Variants in PRSS12 observed in about 807,000 individuals in gnomAD.
PRSS12 encodes neurotrypsin.
In PRSS12, 85 loss-of-function variants were observed where a neutral mutation model predicts 104.4. The observed-to-expected ratio is 0.81, with a 90% confidence interval of 0.68 to 0.98. The LOEUF (loss-of-function observed/expected upper bound fraction) is 0.98. Among genes scored for constraint, PRSS12 ranks in the 50% least tolerant of loss-of-function variants. The probability of loss-of-function intolerance (pLI) is 0.00; values close to 1 mark genes in which losing one functional copy is unlikely to be tolerated. For synonymous variants in PRSS12, 454 were observed against 425.2 expected, an observed-to-expected ratio of 1.07 and a Z score of -0.83; for missense variants, 1,141 against 1,139.2, an observed-to-expected ratio of 1.00 and a Z score of -0.02.
At chr4:118,320,367 G>A (rs1723582577) in intron 4 of PRSS12, among the ~76,000 whole-genome samples, 1 of 152,140 alleles carries the variant, frequency 6.6e-6, no homozygotes. Flanking sequence ...AAAGGAGCCT[G>A]ATTCACTATT....
At chr4:118,314,678 TA>T (rs2126034329) in intron 6 of PRSS12, among the ~76,000 whole-genome samples, 1 of 152,258 alleles carries the variant, frequency 6.6e-6, no homozygotes, top group South Asian at 2.1e-4. Flanking sequence ...ATGCTTTGAC[TA>T]CCTTCTAACA....
chr4:118,292,113 A>C (rs10020415), intron 11 of PRSS12, among the ~76,000 whole-genome samples: 55 of 152,254 alleles, frequency 3.6e-4, no homozygotes, highest in African/African-American at 1.3e-3. Context: ...ATATGAAAAA[A>C]AAAGATATTT....
Position 118,338,077 on chromosome 4 carries a change from G to A in PRSS12, c.641+99C>T. The A allele has an allele frequency of 2.7e-6, 4 of 1,480,912 alleles. No homozygotes were observed. The South Asian group carries it at 4.7e-5, about 17-fold the overall frequency. The allele number at this position is 1,480,912 out of a possible 1,614,324, so 91.7% of individuals were successfully genotyped here. On this transcript the variant is annotated intron_variant, in intron 2 of 12. Coordinates refer to ENST00000296498, the MANE Select transcript of PRSS12 (RefSeq NM_003619.4). ...AAAAGTGAGAATGAGGAAAGTGACA[G>A]TAAGAAACAAAGATACAAGCTTTAC...
At chr4:118,308,611 A>G in intron 7 of PRSS12, 34 bp from the exon 8 acceptor site, 1 of 1,610,290 alleles carries the variant, frequency 6.2e-7, no homozygotes, top group Non-Finnish European at 8.5e-7. Flanking sequence ...AGAACAGCCC[A>G]AACATGCAAA....
chr4:118,281,608 G>T lies in PRSS12; in HGVS notation c.*328C>A, dbSNP rs967663540. ...GACACCACTGATTCAATTAAAAGGG[G>T]TTCTCAGTTCAAATGTAAAAATGAT... On this transcript the variant is annotated 3_prime_UTR_variant, in exon 13 of 13. Coordinates refer to ENST00000296498, the MANE Select transcript of PRSS12 (RefSeq NM_003619.4). 27 of 364,138 alleles carry T rather than the reference G, an allele frequency of 7.4e-5. No individual in the cohort carries two copies. The Admixed American group carries it at 7.9e-4, about 11-fold the overall frequency. The allele number at this position is 364,138 out of a possible 1,614,324, so 22.6% of individuals were successfully genotyped here. A position where few individuals can be genotyped will look rare whatever the true frequency, so the allele number is the denominator to read the frequency against.
chr4:118,299,736 T>TA (rs1173938336), intron 8 of PRSS12, among the ~76,000 whole-genome samples: 1 of 64,960 alleles, frequency 1.5e-5, no homozygotes, highest in South Asian at 5.3e-4. Flanking sequence ...TAAAATAAAA[T>TA]AAAATAAAAT....
intron 4 of PRSS12, among the ~76,000 whole-genome samples, chr4:118,330,437 T>C (rs1218504712): frequency 1.3e-5 from 2 of 151,978 alleles, no homozygotes; most frequent in South Asian, 4.1e-4. Context: ...ATTCAGAAGA[T>C]GGGACAGTCT....
chr4:118,296,602 A>T (rs569926947), intron 9 of PRSS12, among the ~76,000 whole-genome samples: 39 of 152,238 alleles, frequency 2.6e-4, no homozygotes, highest in Middle Eastern at 3.2e-3. Context: ...ATATGTGTAT[A>T]AAGTATAGAT....
At chr4:118,347,582 T>C (rs1448598261) in intron 1 of PRSS12, among the ~76,000 whole-genome samples, 1 of 152,206 alleles carries the variant, frequency 6.6e-6, no homozygotes, top group East Asian at 1.9e-4. Flanking sequence ...CTCAGCACAG[T>C]GTCAAGCAAG....
intron 5 of PRSS12, among the ~76,000 whole-genome samples, chr4:118,317,868 T>C (rs1183339032): frequency 1.3e-5 from 2 of 152,214 alleles, no homozygotes; most frequent in Non-Finnish European, 2.9e-5. Flanking sequence ...CACCAGTTTG[T>C]ACTCACATAT....
At chr4:118,340,237 T>G (rs1724168151) in intron 1 of PRSS12, among the ~76,000 whole-genome samples, 1 of 152,178 alleles carries the variant, frequency 6.6e-6, no homozygotes, top group African/African-American at 2.4e-5. Context: ...TCTCTAACGC[T>G]CCAAGCACAC....
intron 11 of PRSS12, among the ~76,000 whole-genome samples, chr4:118,289,201 G>A (rs1440288543): frequency 6.6e-6 from 1 of 152,184 alleles, no homozygotes; most frequent in African/African-American, 2.4e-5. Flanking sequence ...GAGTGACTAT[G>A]CTATGAAGGC....
chr4:118,342,845 A>G (rs1724251538), intron 1 of PRSS12, among the ~76,000 whole-genome samples: 1 of 152,236 alleles, frequency 6.6e-6, no homozygotes, highest in South Asian at 2.1e-4. Flanking sequence ...AATAGTTTAC[A>G]ACTGTTTTCC....
chr4:118,351,190 A>C lies in PRSS12; in HGVS notation c.502+1029T>G, dbSNP rs576980414. Among the ~76,000 whole-genome samples the C allele has an allele frequency of 3.9e-5, 6 of 152,302 alleles. No homozygotes were observed. The East Asian group carries it at 1.2e-3, about 29-fold the overall frequency. ...GAAATGAATGACATTGTGACAGATAACCTCCAAGTTACCTCCAAAAAGTAC... is the reference window on the plus strand; with the variant it reads ...GAAATGAATGACATTGTGACAGATACCCTCCAAGTTACCTCCAAAAAGTAC... On this transcript the variant is annotated intron_variant, in intron 1 of 12. Transcript: ENST00000296498.
At chr4:118,290,694 G>A (rs1743108143) in intron 11 of PRSS12, among the ~76,000 whole-genome samples, 1 of 151,976 alleles carries the variant, frequency 6.6e-6, no homozygotes, top group African/African-American at 2.4e-5. Flanking sequence ...GAGACTCCAA[G>A]AGGTTAAATA....
chr4:118,288,183 G>T (rs116253112), intron 11 of PRSS12, among the ~76,000 whole-genome samples: 3,095 of 152,238 alleles, frequency 0.02, 39 homozygotes, highest in South Asian at 0.034. Flanking sequence ...TTCCTCTCTG[G>T]ATGAAACTCA....
chr4:118,331,396 C>A (rs555463683), intron 4 of PRSS12, among the ~76,000 whole-genome samples: 13 of 152,282 alleles, frequency 8.5e-5, no homozygotes, highest in Non-Finnish European at 5.9e-5. Context: ...AGTTTTTCAT[C>A]ATATGGAATT....
At position 118,283,010 on chromosome 4, in the gene PRSS12, A is replaced by G; in HGVS notation, c.2141T>C (p.Ile714Thr). 1 of 1,614,144 alleles carries G rather than the reference A, an allele frequency of 6.2e-7. No homozygotes were observed. The highest frequency in any genetic ancestry group is 8.5e-7 in the Non-Finnish European group (1 of 1,180,022). The stretch of plus-strand genomic sequence containing the variant: ...GCGGTCGGGTCGATACTCCCGATGA[A>G]TCACAATCTGTTGAACTCCAATTTC... Reference protein sequence around the residue: ...EEEIGVQQIVIHREYRPDRSD... With the variant: ...EEEIGVQQIVTHREYRPDRSD... Residue 714 changes from isoleucine (I) to threonine (T), a missense_variant, in exon 12 of 13, where the codon ATT becomes ACT. By Grantham distance (89) the Ile-to-Thr change is moderately conservative. Coordinates refer to ENST00000296498, the MANE Select transcript of PRSS12 (RefSeq NM_003619.4).
intron 1 of PRSS12, among the ~76,000 whole-genome samples, chr4:118,351,714 C>G (rs1411729362): frequency 6.6e-6 from 1 of 152,044 alleles, no homozygotes; most frequent in Non-Finnish European, 1.5e-5. Context: ...AAACAGAGGT[C>G]AACAGCTAAA....
Sources: allele counts gnomAD v4.1 joint callset (sites outside exome capture counted in the v4.1 genomes callset), GRCh38; gene constraint gnomAD v4.1.1; transcripts MANE v1.5; gene names NCBI Gene and HGNC (gene_info 2026-07-23, HGNC 2026-07-21).